The following DCC variants were observed in gnomAD, a reference collection of about 807,000 sequenced individuals.
The protein encoded by DCC is netrin receptor DCC.
Under a neutral mutation model 172.5 loss-of-function variants are expected in DCC, and 58 were observed. The observed-to-expected ratio is 0.34, with a 90% CI of 0.27 to 0.42. The LOEUF is 0.42. Ranked by LOEUF, DCC falls within the 10% of genes least tolerant of loss-of-function variation. DCC has a pLI of 1.00. For synonymous variants in DCC, 709 were observed against 644.5 expected, an observed-to-expected ratio of 1.10 and a Z score of -1.52; for missense variants, 1,740 against 1,791.0, an observed-to-expected ratio of 0.97 and a Z score of 0.51.
At chr18:53,102,466 T>C (rs2043187990) in intron 7 of DCC, among the ~76,000 whole-genome samples, 1 of 152,112 alleles carries the variant, frequency 6.6e-6, no homozygotes, top group South Asian at 2.1e-4. Flanking sequence ...TGCAAGGGTG[T>C]CTATATTATA....
intron 1 of DCC, among the ~76,000 whole-genome samples, chr18:52,560,054 G>A (rs185977356): frequency 1.3e-5 from 2 of 152,210 alleles, no homozygotes; most frequent in Admixed American, 1.3e-4. Flanking sequence ...TATTAGCAAG[G>A]TTATTTAAAT....
intron 5 of DCC, among the ~76,000 whole-genome samples, chr18:52,942,344 T>G (rs923514793): frequency 3.3e-5 from 5 of 152,080 alleles, no homozygotes; most frequent in Non-Finnish European, 7.4e-5. Flanking sequence ...ATTATTTCTT[T>G]AAATATCCCA....
intron 9 of DCC, among the ~76,000 whole-genome samples, chr18:53,197,672 T>G (rs192611649): frequency 7.2e-5 from 11 of 152,176 alleles, no homozygotes; most frequent in Admixed American, 3.3e-4. Context: ...AGCTTTTTCT[T>G]TGAAAACCTC....
intron 7 of DCC, among the ~76,000 whole-genome samples, chr18:53,147,302 C>G (rs1467612356): frequency 6.6e-6 from 1 of 152,070 alleles, no homozygotes; most frequent in Non-Finnish European, 1.5e-5. Flanking sequence ...GTAGTCGGGG[C>G]CTTTTTCTTT....
At chr18:53,279,098 G>T (rs1354125586) in intron 12 of DCC, among the ~76,000 whole-genome samples, 1 of 152,092 alleles carries the variant, frequency 6.6e-6, no homozygotes, top group African/African-American at 2.4e-5. Context: ...TTCAATGATC[G>T]CCATTCTAAC....
chr18:52,418,858 CTTTTTTTT>C (rs11313758), intron 1 of DCC, among the ~76,000 whole-genome samples: 5 of 93,006 alleles, frequency 5.4e-5, no homozygotes, highest in Middle Eastern at 6.3e-3. Context: ...TTCTTTCTTT[CTTTTTTTT>C]TTTTTTTTTT....
intron 12 of DCC, among the ~76,000 whole-genome samples, chr18:53,255,201 AG>A (rs2056490085): frequency 6.6e-6 from 1 of 150,996 alleles, no homozygotes; most frequent in South Asian, 2.1e-4. Context: ...ATATGTGGGG[AG>A]GTTTTTTGTT....
chr18:53,291,829 C>G (rs2057008543), intron 12 of DCC, among the ~76,000 whole-genome samples: 1 of 152,150 alleles, frequency 6.6e-6, no homozygotes, highest in African/African-American at 2.4e-5. Flanking sequence ...TTGATACTGA[C>G]AAATTCCAAA....
chr18:52,348,929 G>A (rs1051120778), intron 1 of DCC, among the ~76,000 whole-genome samples: 8 of 152,268 alleles, frequency 5.3e-5, no homozygotes, highest in African/African-American at 1.7e-4. Context: ...ATCATTTACA[G>A]GGAAGCAGGA....
At chr18:53,074,375 A>T (rs529334784) in intron 7 of DCC, among the ~76,000 whole-genome samples, 1 of 152,322 alleles carries the variant, frequency 6.6e-6, no homozygotes, top group East Asian at 1.9e-4. Context: ...TCATTGGTCC[A>T]AATGCATAAA....
intron 1 of DCC, among the ~76,000 whole-genome samples, chr18:52,552,775 G>A (rs1191227335): frequency 6.6e-6 from 1 of 151,990 alleles, no homozygotes; most frequent in Non-Finnish European, 1.5e-5. Flanking sequence ...TAATTGACTT[G>A]ATAATTCTAA....
At chr18:52,741,727 T>G (rs185921094) in intron 1 of DCC, among the ~76,000 whole-genome samples, 67 of 152,280 alleles carry the variant, frequency 4.4e-4, no homozygotes, top group African/African-American at 1.5e-3. Flanking sequence ...AGACCTTGCT[T>G]GCTGGAACTC....
At position 52,874,348 on chromosome 18, in the gene DCC, A is replaced by T. The variant is rs183261433; in HGVS notation, c.413-31696A>T. On this transcript the variant is annotated intron_variant, in intron 2 of 28. Coordinates refer to ENST00000442544, the MANE Select transcript of DCC (RefSeq NM_005215.4). ...ATTTAAAATGATTTTCGAAATGGCC[A>T]TATTTTCTGCAAAATAATTAAGCTG... Among the ~76,000 whole-genome samples the T allele has an allele frequency of 3.3e-4, 51 of 152,336 alleles. No homozygotes were observed. In the East Asian group the frequency reaches 8.5e-3, roughly 25 times the overall value.
At chr18:53,193,038 C>T (rs762281273) in intron 9 of DCC, among the ~76,000 whole-genome samples, 27 of 152,132 alleles carry the variant, frequency 1.8e-4, no homozygotes, top group Non-Finnish European at 3.1e-4. Flanking sequence ...TCTCCATGGC[C>T]AGCCATTATT....
At chr18:52,505,685 A>G (rs1323980428) in intron 1 of DCC, among the ~76,000 whole-genome samples, 1 of 152,178 alleles carries the variant, frequency 6.6e-6, no homozygotes, top group Non-Finnish European at 1.5e-5. Context: ...ATTGAGTTAA[A>G]GTTGAAAAAT....
chr18:53,141,799 C>T (rs2043834431), intron 7 of DCC, among the ~76,000 whole-genome samples: 1 of 152,158 alleles, frequency 6.6e-6, no homozygotes, highest in African/African-American at 2.4e-5. Context: ...ATGAAACTTC[C>T]CACCCGCAAT....
At chr18:53,258,863 T>TG (rs1169642467) in intron 12 of DCC, among the ~76,000 whole-genome samples, 5 of 152,224 alleles carry the variant, frequency 3.3e-5, no homozygotes, top group Non-Finnish European at 7.3e-5. Context: ...TGTAGGTCAC[T>TG]GAGGACTTGC....
chr18:53,252,123 T>A (rs2056443294), intron 12 of DCC, among the ~76,000 whole-genome samples: 3 of 151,974 alleles, frequency 2.0e-5, no homozygotes, highest in Admixed American at 2.0e-4. Flanking sequence ...GTCAAATGAT[T>A]TTGTCTAATA....
intron 26 of DCC, among the ~76,000 whole-genome samples, chr18:53,488,587 C>T (rs1015762653): frequency 6.6e-6 from 1 of 152,060 alleles, no homozygotes; most frequent in Non-Finnish European, 1.5e-5. Context: ...TTTCCGTTTT[C>T]CTCTTTCCTC....
Sources: allele counts gnomAD v4.1 joint callset (sites outside exome capture counted in the v4.1 genomes callset), GRCh38; gene constraint gnomAD v4.1.1; transcripts MANE v1.5; gene names NCBI Gene and HGNC (gene_info 2026-07-23, HGNC 2026-07-21).